MAP3K15: variants seen among roughly 807,000 people sequenced by gnomAD.
MAP3K15 encodes the protein MAPK/ERK kinase kinase 15.
MAP3K15 carries 124 observed loss-of-function variants against 99.5 expected under a neutral mutation model. The observed-to-expected ratio is 1.25, with a 90% CI of 1.08 to 1.45. The LOEUF is 1.45. MAP3K15 is among the 40% of genes most tolerant of loss of function. The pLI is 0.00. For synonymous variants in MAP3K15, 494 were observed against 439.6 expected (o/e 1.12, Z -1.55); for missense variants, 1,242 against 1,079.7 (o/e 1.15, Z -2.11).
chrX:19,371,651 G>A, intron 22 of MAP3K15, 121 bp from the exon 23 acceptor site: 4 of 652,444 alleles, frequency 6.1e-6, no homozygotes, highest in African/African-American at 4.4e-5. Flanking sequence ...AGGTGAGAAG[G>A]GGTCTCTGTT....
Position 19,362,856 on chromosome X carries a change from TTA to T in MAP3K15, c.3567-8_3567-7del, listed in dbSNP as rs1491128306. The T allele has an allele frequency of 5.2e-6, 5 of 965,907 alleles. No homozygotes were observed. The highest frequency in any genetic ancestry group is 2.9e-5 in the African/African-American group (1 of 34,744). The allele number at this position is 965,907 out of a possible 1,213,427, so 79.6% of individuals were successfully genotyped here. On this transcript the variant is annotated splice_region_variant and splice_polypyrimidine_tract_variant and intron_variant, in intron 25 of 28. Coordinates refer to ENST00000338883, the MANE Select transcript of MAP3K15 (RefSeq NM_001001671.4). ...CAACTAGGTGTTCCAAAAGTCTGGT[TTA>T]AAAAAAAAAAAAAAAAGCCATTATC...
At chrX:19,367,723 ATTTTTTTTTTTTTTTTTTTTTTT>A (rs748998915) in intron 25 of MAP3K15, among the ~76,000 whole-genome samples, 12 of 24,139 alleles carry the variant, frequency 5.0e-4, no homozygotes, top group South Asian at 3.9e-3. Flanking sequence ...ATAACTATGG[ATTTTTTTTTTTTTTTTTTTTTTT>A]TTTTTTTTTT....
At chrX:19,416,568 A>G (rs2063737091) in intron 9 of MAP3K15, among the ~76,000 whole-genome samples, 1 of 111,570 alleles carries the variant, frequency 9.0e-6, no homozygotes. Context: ...AAGTCATGAC[A>G]TTACCAGAAA....
chrX:19,450,368 G>A (rs1446928809), intron 6 of MAP3K15, among the ~76,000 whole-genome samples: 1 of 108,490 alleles, frequency 9.2e-6, no homozygotes, highest in Non-Finnish European at 1.9e-5. Context: ...AGAAAAGGGA[G>A]AGGAGACGAA....
chrX:19,408,143 C>G (rs1203921550), intron 12 of MAP3K15, among the ~76,000 whole-genome samples: 2 of 111,564 alleles, frequency 1.8e-5, no homozygotes, highest in Non-Finnish European at 3.8e-5. Flanking sequence ...AAAGCAACCA[C>G]CACAGTTAGT....
chrX:19,398,467 T>C (rs752965876), intron 14 of MAP3K15, 108 bp from the exon 15 acceptor site: 8 of 890,928 alleles, frequency 9.0e-6, no homozygotes, highest in Non-Finnish European at 1.2e-5. Flanking sequence ...AATAACATTA[T>C]TTGACTGTCA....
intron 7 of MAP3K15, among the ~76,000 whole-genome samples, chrX:19,426,818 C>CAAAAAAAAAAAAAAAAAAAAAAAAAAAA (rs746106862): frequency 4.7e-5 from 1 of 21,148 alleles, no homozygotes; most frequent in African/African-American, 2.1e-4. Flanking sequence ...AATCTGTCTC[C>CAAAAAAAAAAAAAAAAAAAAAAAAAAAA]AAAAAAAAAA....
Position 19,441,419 on chromosome X carries a change from T to C in MAP3K15, c.996-9811A>G, listed in dbSNP as rs1001688535. Among the ~76,000 whole-genome samples, 32 of 109,154 alleles carry C rather than the reference T, an allele frequency of 2.9e-4. No homozygotes were observed. The Admixed American group carries it at 2.9e-3, about 10-fold the overall frequency. The allele number at this position is 109,154 out of a possible 115,157, so 94.8% of individuals were successfully genotyped here. On this transcript the variant is annotated intron_variant, in intron 6 of 28. Transcript: ENST00000338883. ...AACATTCTAAAACTGATCGTAGTGA[T>C]GGTTGTACAACTCCGAATATGCTAA...
At chrX:19,434,233 G>GT (rs201469897) in intron 6 of MAP3K15, among the ~76,000 whole-genome samples, 5,782 of 102,399 alleles carry the variant, frequency 0.056, 438 homozygotes, top group African/African-American at 0.19. Flanking sequence ...GGTTTTTTTT[G>GT]TTTTTTTTTT....
intron 5 of MAP3K15, among the ~76,000 whole-genome samples, chrX:19,459,092 TCTCC>T (rs200659754): frequency 0.015 from 1,709 of 111,499 alleles, 34 homozygotes; most frequent in African/African-American, 0.054. Context: ...CTACTCCTGT[TCTCC>T]CTGTCACTGA....
intron 15 of MAP3K15, among the ~76,000 whole-genome samples, chrX:19,397,907 G>A (rs1412689007): frequency 4.6e-5 from 5 of 109,424 alleles, no homozygotes; most frequent in South Asian, 4.0e-4. Context: ...GTGAAACCCC[G>A]TCTCTACTAA....
At chrX:19,507,658 T>C (rs1430607021) in intron 1 of MAP3K15, among the ~76,000 whole-genome samples, 1 of 93,306 alleles carries the variant, frequency 1.1e-5, no homozygotes, top group Non-Finnish European at 2.1e-5. Flanking sequence ...AGATTTCAAG[T>C]GAGTATGATG....
At chrX:19,428,216 T>C (rs1260913554) in intron 7 of MAP3K15, among the ~76,000 whole-genome samples, 1 of 111,643 alleles carries the variant, frequency 9.0e-6, no homozygotes, top group Non-Finnish European at 1.9e-5. Flanking sequence ...ATAGATCTTA[T>C]CCACAGCCAC....
At chrX:19,452,106 A>C (rs868673442) in intron 6 of MAP3K15, among the ~76,000 whole-genome samples, 1 of 44 alleles carries the variant, frequency 0.023, no homozygotes, top group South Asian at 0.5. Context: ...AAGAGAAGAG[A>C]AGAGAAGAGA....
chrX:19,447,679 G>T (rs6633261), intron 6 of MAP3K15, among the ~76,000 whole-genome samples: 5 of 99,880 alleles, frequency 5.0e-5, no homozygotes, highest in Admixed American at 2.2e-4. Flanking sequence ...GTCAGGAGAT[G>T]GAGACCATCC....
At chrX:19,374,280 G>A (rs2063401819) in intron 20 of MAP3K15, among the ~76,000 whole-genome samples, 197 bp downstream of exon 20, 1 of 111,304 alleles carries the variant, frequency 9.0e-6, no homozygotes, top group Non-Finnish European at 1.9e-5. Context: ...TCAGGAGATC[G>A]AGGTGCATGT....
intron 3 of MAP3K15, among the ~76,000 whole-genome samples, chrX:19,472,879 A>C (rs1386980573): frequency 1.8e-5 from 2 of 111,921 alleles, no homozygotes; most frequent in African/African-American, 6.5e-5. Flanking sequence ...ACTTTGCCCC[A>C]GAGTTCTGAT....
At chrX:19,454,335 T>C (rs922414372) in intron 6 of MAP3K15, among the ~76,000 whole-genome samples, 3 of 111,956 alleles carry the variant, frequency 2.7e-5, no homozygotes, top group African/African-American at 6.5e-5. Context: ...ACTGGCTGGA[T>C]CCCTGGTCAG....
Position 19,515,045 on chromosome X carries a change from C to A in MAP3K15, c.217G>T (p.Gly73Cys), listed in dbSNP as rs1258691915. Residue 73 changes from glycine to cysteine, a missense_variant, in exon 1 of 29, where the codon GGC (glycine) becomes TGC (cysteine). Physicochemically the swap from Gly to Cys is radical, Grantham distance 159. Coordinates refer to ENST00000338883, the MANE Select transcript of MAP3K15 (RefSeq NM_001001671.4). The stretch of plus-strand genomic sequence containing the variant: ...GCCTCCGGGCCGCCGGCCGCGCCGC[C>A]CTGGGAGCTCTCACTGCGCACGTAT... Reference protein sequence around the residue: ...AVYVRSESSQGGAAGGPEAGA... With the variant: ...AVYVRSESSQCGAAGGPEAGA... 7.9e-6 allele frequency: 8 copies of A among 1,018,807 alleles called. No homozygotes were observed. The highest frequency in any genetic ancestry group is 1.0e-5 in the Non-Finnish European group (8 of 783,446). 84.0% of individuals were successfully genotyped at this position (1,018,807 alleles called of 1,213,427 possible). A position where few individuals can be genotyped will look rare whatever the true frequency, so the allele number is the denominator to read the frequency against.
Sources: allele counts gnomAD v4.1 joint callset (sites outside exome capture counted in the v4.1 genomes callset), GRCh38; gene constraint gnomAD v4.1.1; transcripts MANE v1.5; gene names NCBI Gene and HGNC (gene_info 2026-07-23, HGNC 2026-07-21).